Variants in SMYD3 observed in about 807,000 individuals in gnomAD.
The protein encoded by SMYD3 is SET and MYND domain containing 3.
A neutral mutation model predicts 57.7 loss-of-function variants in SMYD3; 36 were observed. The ratio of observed to expected loss-of-function variants is 0.62; its 90% confidence interval spans 0.48 to 0.82. SMYD3 has a LOEUF of 0.82. Ranked by LOEUF, SMYD3 falls within the 40% of genes least tolerant of loss-of-function variation. The pLI, the probability that SMYD3 is intolerant of heterozygous loss-of-function variation, is 0.00. For synonymous variants in SMYD3, 211 were observed against 195.0 expected (o/e 1.08, Z -0.68); for missense variants, 515 against 538.8 (o/e 0.96, Z 0.44).
chr1:245,951,298 C>A (rs574925384), intron 5 of SMYD3, among the ~76,000 whole-genome samples: 1 of 151,606 alleles, frequency 6.6e-6, no homozygotes, highest in African/African-American at 2.4e-5. Flanking sequence ...CACGTCAGAT[C>A]TCTTGAAAAT....
chr1:245,885,179 C>T (rs891419419), intron 8 of SMYD3, among the ~76,000 whole-genome samples: 2 of 152,178 alleles, frequency 1.3e-5, no homozygotes, highest in Non-Finnish European at 2.9e-5. Context: ...CATGAACCCA[C>T]CGGAAGGAAG....
At chr1:246,131,917 A>G (rs1440011039) in intron 5 of SMYD3, among the ~76,000 whole-genome samples, 1 of 152,020 alleles carries the variant, frequency 6.6e-6, no homozygotes, top group Non-Finnish European at 1.5e-5. Context: ...TAATGTTTAA[A>G]TGAGAAATTC....
At chr1:246,398,092 G>A (rs2066704924) in intron 1 of SMYD3, among the ~76,000 whole-genome samples, 1 of 152,158 alleles carries the variant, frequency 6.6e-6, no homozygotes, top group African/African-American at 2.4e-5. Context: ...CTACAATAGA[G>A]ACGTCATCTG....
At chr1:246,499,750 C>A (rs61839841) in intron 1 of SMYD3, among the ~76,000 whole-genome samples, 32,931 of 152,008 alleles carry the variant, frequency 0.22, 3,710 homozygotes, top group Middle Eastern at 0.28. Context: ...GCCACCACGC[C>A]CTGCCTTAAA....
chr1:246,208,029 A>C (rs546704854), intron 5 of SMYD3, among the ~76,000 whole-genome samples: 14 of 152,290 alleles, frequency 9.2e-5, no homozygotes, highest in African/African-American at 3.1e-4. Flanking sequence ...GACAAGGAAG[A>C]ATATGCCTCA....
intron 5 of SMYD3, among the ~76,000 whole-genome samples, chr1:245,932,549 G>A (rs1187623167): frequency 6.6e-6 from 1 of 152,080 alleles, no homozygotes; most frequent in African/African-American, 2.4e-5. Flanking sequence ...GCAAACAGAA[G>A]ACACTAATAA....
chr1:246,110,957 C>A (rs971270536), intron 5 of SMYD3, among the ~76,000 whole-genome samples: 2 of 152,156 alleles, frequency 1.3e-5, no homozygotes, highest in Admixed American at 6.5e-5. Flanking sequence ...GGAGCGAACT[C>A]TGCATTAGGA....
chr1:246,349,326 C>G (rs911382672), intron 2 of SMYD3, among the ~76,000 whole-genome samples: 13 of 149,620 alleles, frequency 8.7e-5, no homozygotes, highest in Non-Finnish European at 1.3e-4. Flanking sequence ...GAGCAGGGGC[C>G]GGGCACAGTG....
chr1:246,410,752 C>T (rs369539711), intron 1 of SMYD3, among the ~76,000 whole-genome samples: 236 of 152,200 alleles, frequency 1.6e-3, no homozygotes, highest in Non-Finnish European at 2.3e-3. Flanking sequence ...ATGGTACCAG[C>T]TCCTCCTTGT....
intron 5 of SMYD3, among the ~76,000 whole-genome samples, chr1:246,299,527 A>G (rs895460362): frequency 6.6e-5 from 10 of 152,306 alleles, no homozygotes; most frequent in African/African-American, 2.2e-4. Flanking sequence ...TTTATCATGA[A>G]GACACATGCA....
intron 5 of SMYD3, among the ~76,000 whole-genome samples, chr1:246,303,903 A>G (rs1303197405): frequency 6.6e-6 from 1 of 152,206 alleles, no homozygotes; most frequent in Non-Finnish European, 1.5e-5. Flanking sequence ...CAATTGACTA[A>G]AAAATACTTT....
chr1:246,458,528 C>T (rs1033151716), intron 1 of SMYD3, among the ~76,000 whole-genome samples: 3 of 146,470 alleles, frequency 2.0e-5, no homozygotes, highest in East Asian at 2.0e-4. Context: ...CTCACTGCAA[C>T]CTCCGCCTCC....
At chr1:246,300,074 C>G (rs962791610) in intron 5 of SMYD3, among the ~76,000 whole-genome samples, 1 of 146,316 alleles carries the variant, frequency 6.8e-6, no homozygotes, top group Non-Finnish European at 1.5e-5. Context: ...GAATAGTATA[C>G]AACCATTAAA....
intron 1 of SMYD3, among the ~76,000 whole-genome samples, chr1:246,502,584 C>G (rs1489453937): frequency 6.6e-6 from 1 of 152,148 alleles, no homozygotes; most frequent in African/African-American, 2.4e-5. Context: ...CCAGTTAATA[C>G]TCAGACTTTG....
intron 8 of SMYD3, among the ~76,000 whole-genome samples, chr1:245,889,051 T>C (rs530345744): frequency 3.9e-4 from 59 of 152,296 alleles, no homozygotes; most frequent in Middle Eastern, 6.8e-3. Context: ...AAGATAGTTA[T>C]TGTGAAATTT....
intron 5 of SMYD3, among the ~76,000 whole-genome samples, chr1:245,943,598 T>G (rs779195749): frequency 6.6e-6 from 1 of 152,002 alleles, no homozygotes; most frequent in Non-Finnish European, 1.5e-5. Flanking sequence ...TTCCAAACAA[T>G]TGAAAAAGAG....
intron 5 of SMYD3, among the ~76,000 whole-genome samples, chr1:246,260,623 G>A (rs973851588): frequency 1.4e-4 from 21 of 151,880 alleles, no homozygotes; most frequent in Non-Finnish European, 2.9e-5. Context: ...AGTAGAGATG[G>A]GGTTTCACCA....
intron 5 of SMYD3, among the ~76,000 whole-genome samples, chr1:246,273,136 T>TTTTTTC (rs2064254772): frequency 1.4e-5 from 1 of 69,646 alleles, no homozygotes; most frequent in African/African-American, 8.0e-5. Context: ...CCCTGTTTTC[T>TTTTTTC]TTTTTTTTTT....
rs1459254899 is a variant in SMYD3 at position 246,481,625 on chromosome 1, T to TATATATATAC, written c.164+25428_164+25429insGTATATATAT. ...ATATATATACACATACATATATACA[T>TATATATATAC]ACATACATACACATATTCATATATG... On this transcript the variant is annotated intron_variant, in intron 1 of 11. Transcript: ENST00000490107. Among the ~76,000 whole-genome samples, 35 of 90,418 alleles carry TATATATATAC rather than the reference T, an allele frequency of 3.9e-4. 1 individual carries two copies. Among genetic ancestry groups the TATATATATAC allele is most frequent in the African/African-American group, 1.8e-3 (33 of 17,970 alleles). 59.3% of individuals were successfully genotyped at this position (90,418 alleles called of 152,430 possible). A position where few individuals can be genotyped will look rare whatever the true frequency, so the allele number is the denominator to read the frequency against.
Sources: gnomAD v4.1 joint callset for allele counts (sites outside exome capture counted in the v4.1 genomes callset) on GRCh38, gnomAD v4.1.1 for gene constraint, MANE v1.5 for transcripts, NCBI Gene and HGNC (gene_info 2026-07-23, HGNC 2026-07-21) for gene names.